The following ABTB3 variants were observed in gnomAD, a reference collection of about 807,000 sequenced individuals.
ABTB3 encodes ankyrin repeat- and BTB/POZ domain-containing protein 3.
the ABTB3 span, among the ~76,000 whole-genome samples, chr12:107,585,087 C>T: frequency 3.3e-5 from 5 of 152,008 alleles, no homozygotes; most frequent in South Asian, 2.1e-4. Context: ...TGAAACACTT[C>T]GGAAATATAC....
chr12:107,473,025 C>G, the ABTB3 span, among the ~76,000 whole-genome samples: 1 of 152,162 alleles, frequency 6.6e-6, no homozygotes. Flanking sequence ...CCAGGTGGCC[C>G]AGGGAACAGG....
the ABTB3 span, among the ~76,000 whole-genome samples, chr12:107,593,888 T>G: frequency 1.3e-5 from 2 of 152,158 alleles, no homozygotes; most frequent in Non-Finnish European, 2.9e-5. Context: ...CACCGGAGAT[T>G]GCACACGTCA....
chr12:107,517,860 A>G, the ABTB3 span, among the ~76,000 whole-genome samples: 1 of 152,188 alleles, frequency 6.6e-6, no homozygotes, highest in Non-Finnish European at 1.5e-5. Flanking sequence ...TTTGCAATCT[A>G]CTCATCTGAC....
the ABTB3 span, among the ~76,000 whole-genome samples, chr12:107,619,192 G>T: frequency 6.6e-6 from 1 of 152,182 alleles, no homozygotes; most frequent in African/African-American, 2.4e-5. Context: ...TTGTGCCATT[G>T]CCCTGGGAGC....
the ABTB3 span, among the ~76,000 whole-genome samples, chr12:107,429,761 AAAC>A: frequency 6.6e-6 from 1 of 152,350 alleles, no homozygotes; most frequent in South Asian, 2.1e-4. Context: ...AATACAGAAA[AAAC>A]AATGTTAACC....
At chr12:107,652,354 A>G in the ABTB3 span, among the ~76,000 whole-genome samples, 6 of 152,228 alleles carry the variant, frequency 3.9e-5, no homozygotes, top group Non-Finnish European at 7.3e-5. Flanking sequence ...TCTCAATGCC[A>G]GCTGCAAGTT....
chr12:107,575,382 G>T, the ABTB3 span, among the ~76,000 whole-genome samples: 2 of 152,078 alleles, frequency 1.3e-5, no homozygotes, highest in South Asian at 4.2e-4. Context: ...CACTTTCTCG[G>T]TACCAGGCGC....
At chr12:107,514,753 G>C in the ABTB3 span, among the ~76,000 whole-genome samples, 1 of 152,148 alleles carries the variant, frequency 6.6e-6, no homozygotes, top group East Asian at 1.9e-4. Context: ...TTGTGTAATA[G>C]ATCAATTATA....
the ABTB3 span, among the ~76,000 whole-genome samples, chr12:107,425,071 C>G: frequency 1.3e-5 from 2 of 152,156 alleles, no homozygotes; most frequent in Non-Finnish European, 2.9e-5. Context: ...GCCATGGCTC[C>G]CATTACCTAA....
At chr12:107,480,693 T>G in the ABTB3 span, among the ~76,000 whole-genome samples, 1 of 152,168 alleles carries the variant, frequency 6.6e-6, no homozygotes, top group Non-Finnish European at 1.5e-5. Context: ...CGACATTGTA[T>G]GCAGAACGAT....
At chr12:107,580,720 T>G in the ABTB3 span, 2 of 1,147,732 alleles carry the variant, frequency 1.7e-6, no homozygotes, top group South Asian at 3.2e-5. Flanking sequence ...ACCTTAGGCT[T>G]GGGTCCACAA....
chr12:107,432,842 G>T, the ABTB3 span, among the ~76,000 whole-genome samples: 1 of 152,192 alleles, frequency 6.6e-6, no homozygotes, highest in African/African-American at 2.4e-5. Flanking sequence ...AGGTTCTAAG[G>T]CACGTTTCAA....
the ABTB3 span, among the ~76,000 whole-genome samples, chr12:107,557,800 G>T: frequency 1.3e-4 from 20 of 152,184 alleles, no homozygotes; most frequent in African/African-American, 4.8e-4. Flanking sequence ...TAGCTAATTT[G>T]CCCAAGATCA....
chr12:107,489,363 A>T, the ABTB3 span, among the ~76,000 whole-genome samples: 1 of 152,144 alleles, frequency 6.6e-6, no homozygotes, highest in African/African-American at 2.4e-5. Context: ...TCTACTAAAA[A>T]TACAAAACCA....
chr12:107,369,762 C>G, the ABTB3 span, among the ~76,000 whole-genome samples: 1 of 128,608 alleles, frequency 7.8e-6, no homozygotes, highest in African/African-American at 2.9e-5. Context: ...TCTGAGCTCT[C>G]TGCACCTTAT....
chr12:107,343,222 C>T, the ABTB3 span, among the ~76,000 whole-genome samples: 4 of 152,024 alleles, frequency 2.6e-5, no homozygotes, highest in Admixed American at 2.6e-4. Context: ...CCTATGTTGC[C>T]CAGGCCAGTC....
chr12:107,318,737 A>G, the ABTB3 span: 2 of 556,894 alleles, frequency 3.6e-6, no homozygotes, highest in East Asian at 6.0e-5. Context: ...ACTCTGGAAG[A>G]TGACTCCAGG....
the ABTB3 span, among the ~76,000 whole-genome samples, chr12:107,644,522 G>T: frequency 6.6e-6 from 1 of 152,146 alleles, no homozygotes; most frequent in Non-Finnish European, 1.5e-5. Context: ...CCTGGAGAAG[G>T]GTGGGGTGCT....
chr12:107,360,395 T>C, the ABTB3 span, among the ~76,000 whole-genome samples: 1 of 152,090 alleles, frequency 6.6e-6, no homozygotes, highest in South Asian at 2.1e-4. Context: ...TGGGGTAAGA[T>C]GTAAGATGTT....
Sources: gnomAD v4.1 joint callset for allele counts (sites outside exome capture counted in the v4.1 genomes callset) on GRCh38, gnomAD v4.1.1 for gene constraint, MANE v1.5 for transcripts, NCBI Gene and HGNC (gene_info 2026-07-23, HGNC 2026-07-21) for gene names.